Variants in PXDNL observed in about 807,000 individuals in gnomAD.
PXDNL encodes the protein probable oxidoreductase PXDNL.
Under a neutral mutation model 150.8 loss-of-function variants are expected in PXDNL, and 145 were observed. That is an observed-to-expected ratio of 0.96 (90% CI 0.84 to 1.10). PXDNL has a LOEUF of 1.10. PXDNL is among the 50% of genes least tolerant of loss of function. The pLI is 0.00. For synonymous variants in PXDNL, 757 were observed against 725.7 expected, an observed-to-expected ratio of 1.04 and a Z score of -0.69; for missense variants, 2,087 against 1,873.9, an observed-to-expected ratio of 1.11 and a Z score of -2.10.
chr8:51,633,045 T>C (rs901383885), intron 2 of PXDNL, among the ~76,000 whole-genome samples: 2 of 152,076 alleles, frequency 1.3e-5, no homozygotes, highest in Non-Finnish European at 2.9e-5. Flanking sequence ...CCTTGCACCC[T>C]TCCCTCTCTC....
intron 8 of PXDNL, among the ~76,000 whole-genome samples, chr8:51,469,645 A>C (rs891542499): frequency 3.3e-5 from 5 of 152,116 alleles, no homozygotes; most frequent in African/African-American, 4.8e-5. Flanking sequence ...AATGATAATG[A>C]AAGGAAACAT....
At chr8:51,485,425 T>A (rs10108597) in intron 5 of PXDNL, among the ~76,000 whole-genome samples, 148,106 of 152,256 alleles carry the variant, frequency 0.97, 72,148 homozygotes, top group East Asian at 1. Context: ...TTCCAACTAG[T>A]CCTGACTTTC....
chr8:51,679,683 A>G (rs1292296355), intron 1 of PXDNL, among the ~76,000 whole-genome samples: 2 of 152,106 alleles, frequency 1.3e-5, no homozygotes, highest in Non-Finnish European at 2.9e-5. Context: ...TCATGCTTTG[A>G]CTTCCAGAGG....
At chr8:51,644,339 C>CATATATATATATATATATAT (rs1814858877) in intron 2 of PXDNL, among the ~76,000 whole-genome samples, 1 of 41,206 alleles carries the variant, frequency 2.4e-5, no homozygotes, top group East Asian at 9.1e-4. Flanking sequence ...TATATATATA[C>CATATATATATATATATATAT]ACACACACAC....
At chr8:51,686,726 A>G (rs898051348) in intron 1 of PXDNL, among the ~76,000 whole-genome samples, 2 of 152,252 alleles carry the variant, frequency 1.3e-5, no homozygotes, top group Non-Finnish European at 2.9e-5. Context: ...TAGTAAAAAT[A>G]TAAGATTTGA....
intron 3 of PXDNL, among the ~76,000 whole-genome samples, chr8:51,564,627 A>C (rs1262900513): frequency 6.6e-6 from 1 of 151,790 alleles, no homozygotes; most frequent in African/African-American, 2.4e-5. Context: ...GGAGAAGAAG[A>C]GAAAATGACA....
intron 10 of PXDNL, among the ~76,000 whole-genome samples, 154 bp downstream of exon 10, chr8:51,453,365 G>A (rs774360481): frequency 2.6e-5 from 4 of 152,122 alleles, no homozygotes; most frequent in Non-Finnish European, 5.9e-5. Flanking sequence ...CTTTTAACTT[G>A]AAACAGATTA....
At chr8:51,421,757 G>A (rs139140654) in intron 14 of PXDNL, among the ~76,000 whole-genome samples, 99 of 152,198 alleles carry the variant, frequency 6.5e-4, no homozygotes, top group Middle Eastern at 6.8e-3. Flanking sequence ...AATATTTGCC[G>A]GTTACTAAAC....
intron 1 of PXDNL, among the ~76,000 whole-genome samples, chr8:51,729,835 G>A (rs1454853757): frequency 6.6e-6 from 1 of 152,108 alleles, no homozygotes; most frequent in African/African-American, 2.4e-5. Flanking sequence ...AAAAAGACAT[G>A]GAGGAAACTC....
intron 12 of PXDNL, among the ~76,000 whole-genome samples, chr8:51,433,181 C>T (rs1420846900): frequency 1.3e-5 from 2 of 150,314 alleles, no homozygotes; most frequent in African/African-American, 4.9e-5. Flanking sequence ...AGCACTCCAG[C>T]CTGGGTGACA....
At position 51,324,314 on chromosome 8, in the gene PXDNL, T is replaced by C. The variant is rs115765387; in HGVS notation, c.4147-3417A>G. ...ACTGGCAAGAACTTCCAGCATTAGGTTGAATAAGAGTGGTGAGAATGGACA... is the reference window on the plus strand; with the variant it reads ...ACTGGCAAGAACTTCCAGCATTAGGCTGAATAAGAGTGGTGAGAATGGACA... On this transcript the variant is annotated intron_variant, in intron 21 of 22. Transcript: ENST00000356297. Among the ~76,000 whole-genome samples, 1,183 of 152,020 alleles carry C rather than the reference T, an allele frequency of 7.8e-3. 16 individuals are homozygous for C. The highest frequency in any genetic ancestry group is 0.027 in the African/African-American group (1,101 of 41,334).
intron 3 of PXDNL, among the ~76,000 whole-genome samples, chr8:51,562,082 TTTTCATATTTA>T (rs1812731341): frequency 6.6e-6 from 1 of 151,616 alleles, no homozygotes; most frequent in East Asian, 1.9e-4. Flanking sequence ...ATATATTGCT[TTTTCATATTTA>T]TTTCATATTT....
chr8:51,682,411 T>C (rs1015784754), intron 1 of PXDNL, among the ~76,000 whole-genome samples: 2 of 152,014 alleles, frequency 1.3e-5, no homozygotes, highest in African/African-American at 4.8e-5. Flanking sequence ...CTCCTGCGAG[T>C]GCTGAGGAAC....
chr8:51,681,625 A>T (rs1267147805), intron 1 of PXDNL, among the ~76,000 whole-genome samples: 3 of 152,242 alleles, frequency 2.0e-5, no homozygotes, highest in Admixed American at 6.5e-5. Flanking sequence ...ACCCTGTCTC[A>T]GGAAATGTCC....
intron 2 of PXDNL, among the ~76,000 whole-genome samples, chr8:51,638,334 A>G (rs1459502447): frequency 3.9e-5 from 6 of 152,214 alleles, no homozygotes; most frequent in Admixed American, 3.9e-4. Context: ...TGACAGGATC[A>G]AATTCACACA....
intron 5 of PXDNL, 41 bp downstream of exon 5, chr8:51,499,658 G>A: frequency 6.8e-7 from 1 of 1,480,710 alleles, no homozygotes; most frequent in Non-Finnish European, 9.4e-7. Context: ...AATGGAAAAT[G>A]TAAAGCAGAA....
At chr8:51,631,100 A>G (rs1169247633) in intron 2 of PXDNL, among the ~76,000 whole-genome samples, 2 of 152,218 alleles carry the variant, frequency 1.3e-5, no homozygotes, top group Non-Finnish European at 2.9e-5. Context: ...CCGTGCAACC[A>G]TTAAAAAGAA....
At chr8:51,403,213 T>G (rs952147994) in intron 17 of PXDNL, among the ~76,000 whole-genome samples, 1 of 152,010 alleles carries the variant, frequency 6.6e-6, no homozygotes, top group Admixed American at 6.6e-5. Context: ...ATAAGCTCTT[T>G]AAAAAATAAT....
At chr8:51,441,829 T>A (rs937188713) in intron 12 of PXDNL, among the ~76,000 whole-genome samples, 4 of 152,158 alleles carry the variant, frequency 2.6e-5, no homozygotes, top group African/African-American at 9.7e-5. Flanking sequence ...TAAGATTGGC[T>A]GAAAGACCAA....
Sources: gnomAD v4.1 joint callset for allele counts (sites outside exome capture counted in the v4.1 genomes callset) on GRCh38, gnomAD v4.1.1 for gene constraint, MANE v1.5 for transcripts, NCBI Gene and HGNC (gene_info 2026-07-23, HGNC 2026-07-21) for gene names.